Variants in RABEP1 observed in about 807,000 individuals in gnomAD.
RABEP1 encodes the protein rab GTPase-binding effector protein 1.
RABEP1 carries 51 observed loss-of-function variants against 123.4 expected under a neutral mutation model. The ratio of observed to expected loss-of-function variants is 0.41; its 90% CI spans 0.33 to 0.52. The LOEUF is 0.52. Among genes scored for constraint, RABEP1 ranks in the 20% least tolerant of loss-of-function variants. RABEP1 has a pLI of 0.16. For missense variants in RABEP1, 888 were observed against 996.3 expected, an observed-to-expected ratio of 0.89 and a Z score of 1.46; for synonymous variants, 347 against 355.2, an observed-to-expected ratio of 0.98 and a Z score of 0.26.
intron 1 of RABEP1, among the ~76,000 whole-genome samples, chr17:5,292,935 G>C (rs764441526): frequency 6.6e-6 from 1 of 152,136 alleles, no homozygotes; most frequent in Non-Finnish European, 1.5e-5. Flanking sequence ...GCCTGCCTTG[G>C]CATCTCAAAG....
At position 5,365,316 on chromosome 17, in the gene RABEP1, TGTTTTTTTTTGCCTTGAAGATTTGGCA is replaced by T. The variant is rs928680386; in HGVS notation, c.1785+84_1785+110del. On this transcript the variant is annotated intron_variant, in intron 11 of 17. Coordinates refer to ENST00000537505, the MANE Select transcript of RABEP1 (RefSeq NM_004703.6). ...ATGAAAGATTCAAAAAATATAGTCA[TGTTTTTTTTTGCCTTGAAGATTTGGCA>T]GTTTTATTTTCCCTCAGGTAAAAAG... The T allele has an allele frequency of 1.7e-5, 17 of 1,006,676 alleles. No individual in the cohort carries two copies. In the African/African-American group the frequency reaches 2.4e-4, roughly 14 times the overall value. The allele number at this position is 1,006,676 out of a possible 1,614,324, so 62.4% of individuals were successfully genotyped here. A position where few individuals can be genotyped will look rare whatever the true frequency, so the allele number is the denominator to read the frequency against.
chr17:5,319,335 A>G (rs1414160244), intron 2 of RABEP1, among the ~76,000 whole-genome samples: 3 of 119,054 alleles, frequency 2.5e-5, no homozygotes, highest in Non-Finnish European at 5.1e-5. Context: ...CTCAAAAAAA[A>G]AAAAAACAAA....
At chr17:5,318,630 A>G (rs2075321482) in intron 2 of RABEP1, among the ~76,000 whole-genome samples, 1 of 152,206 alleles carries the variant, frequency 6.6e-6, no homozygotes, top group Admixed American at 6.5e-5. Flanking sequence ...CTATACCATG[A>G]GTTATACGAA....
chr17:5,330,933 G>A (rs992781474), intron 2 of RABEP1, among the ~76,000 whole-genome samples: 9 of 151,904 alleles, frequency 5.9e-5, no homozygotes, highest in Admixed American at 3.9e-4. Context: ...CTGAGGTGGG[G>A]GGATCGCTTG....
chr17:5,313,735 G>T (rs2075267449), intron 2 of RABEP1, among the ~76,000 whole-genome samples: 2 of 152,274 alleles, frequency 1.3e-5, no homozygotes, highest in East Asian at 3.9e-4. Flanking sequence ...AGTAAACTCA[G>T]TTGGCCACAG....
In RABEP1 at chr17:5,350,556, A is replaced by T. The variant is rs775133116; in HGVS notation, c.890A>T (p.Asp297Val). The T allele has an allele frequency of 6.2e-7, 1 of 1,614,072 alleles. No individual in the cohort carries two copies. Among genetic ancestry groups the T allele is most frequent in the African/African-American group, 1.3e-5 (1 of 74,928 alleles). The change falls in exon 7 of 18, where the codon GAC becomes GTC. Residue 297 changes from aspartate (D) to valine (V), a missense_variant. By Grantham distance (152) the Asp-to-Val change is radical. Transcript: ENST00000537505. ...FLESQRLLMR[D>V]MQRMEIVLTS... ...GAATCTCAGCGTTTACTGATGAGAG[A>T]CATGCAGCGAATGGAGATTGTGCTA...
intron 10 of RABEP1, among the ~76,000 whole-genome samples, chr17:5,364,061 C>T (rs531473824): frequency 1.3e-5 from 2 of 152,308 alleles, no homozygotes; most frequent in South Asian, 4.1e-4. Context: ...TTTCAAATGT[C>T]ATTGCTATTG....
chr17:5,382,989 A>T, intron 17 of RABEP1, 133 bp from the exon 18 acceptor site: 1 of 681,246 alleles, frequency 1.5e-6, no homozygotes. Flanking sequence ...AAAATTTTTA[A>T]TTGTTCTTGC....
At chr17:5,306,215 C>A (rs76253980) in intron 1 of RABEP1, among the ~76,000 whole-genome samples, 21,241 of 144,786 alleles carry the variant, frequency 0.15, 1,544 homozygotes, top group African/African-American at 0.18. Context: ...AATCTTCTAA[C>A]AGAAAGCCTA....
At position 5,328,932 on chromosome 17, in the gene RABEP1, CA is replaced by C. The variant is rs1353065128; in HGVS notation, c.164-3004del. Among the ~76,000 whole-genome samples, 641 of 104,354 alleles carry C rather than the reference CA, an allele frequency of 6.1e-3. 3 individuals are homozygous for C. Among genetic ancestry groups the C allele is most frequent in the African/African-American group, 0.017 (475 of 28,048 alleles). The allele number at this position is 104,354 out of a possible 152,430, so 68.5% of individuals were successfully genotyped here. A position where few individuals can be genotyped will look rare whatever the true frequency, so the allele number is the denominator to read the frequency against. On this transcript the variant is annotated intron_variant, in intron 2 of 17. Coordinates refer to ENST00000537505, the MANE Select transcript of RABEP1 (RefSeq NM_004703.6). ...CCTGGGCGACAGAGTGAGACTGTCT[CA>C]AAAAAAAAAAAATAAATTATTAGTA...
chr17:5,367,834 A>C (rs1910191974), intron 11 of RABEP1, among the ~76,000 whole-genome samples: 1 of 150,342 alleles, frequency 6.7e-6, no homozygotes, highest in Non-Finnish European at 1.5e-5. Flanking sequence ...GGCTCACTGC[A>C]ACCTCTGCCT....
rs2075279959 is a variant in RABEP1 at position 5,314,744 on chromosome 17, T to A, written c.163+5922T>A. ...CGTGTTAGCCATGATGGTCTCGATC[T>A]CCTGACCTTGTGATCCGCCCACTTC... On this transcript the variant is annotated intron_variant, in intron 2 of 17. Coordinates refer to ENST00000537505, the MANE Select transcript of RABEP1 (RefSeq NM_004703.6). 3.3e-5 allele frequency among the ~76,000 whole-genome samples: 5 copies of A among 152,324 alleles called. 1 individual carries two copies. In the South Asian group the frequency reaches 1.0e-3, roughly 32 times the overall value.
chr17:5,359,818 T>C (rs1909343773), intron 8 of RABEP1, among the ~76,000 whole-genome samples: 1 of 152,236 alleles, frequency 6.6e-6, no homozygotes, highest in African/African-American at 2.4e-5. Flanking sequence ...GTCATTTAAA[T>C]GGAATAAATT....
At chr17:5,326,831 T>C (rs1195936283) in intron 2 of RABEP1, among the ~76,000 whole-genome samples, 3 of 152,216 alleles carry the variant, frequency 2.0e-5, no homozygotes, top group Non-Finnish European at 4.4e-5. Context: ...AATACAGTTA[T>C]GCATTGCTTC....
chr17:5,363,202 CTTT>C (rs560141702), intron 10 of RABEP1, among the ~76,000 whole-genome samples, 186 bp downstream of exon 10: 1 of 135,638 alleles, frequency 7.4e-6, no homozygotes, highest in Admixed American at 7.5e-5. Flanking sequence ...TAGGACTCTG[CTTT>C]TTTTTTTTTT....
chr17:5,285,393 C>T (rs2074968457), intron 1 of RABEP1, among the ~76,000 whole-genome samples: 1 of 151,322 alleles, frequency 6.6e-6, no homozygotes, highest in South Asian at 2.1e-4. Context: ...CTTGGCCTCT[C>T]AGTGTTGGGA....
intron 1 of RABEP1, among the ~76,000 whole-genome samples, chr17:5,296,156 G>A (rs575895635): frequency 2.4e-4 from 36 of 152,272 alleles, no homozygotes; most frequent in African/African-American, 8.7e-4. Flanking sequence ...TGTTATTGTA[G>A]TATGTAGCTA....
At chr17:5,338,868 A>G (rs1189631190) in intron 5 of RABEP1, among the ~76,000 whole-genome samples, 1 of 152,212 alleles carries the variant, frequency 6.6e-6, no homozygotes. Context: ...GAATTAAAGT[A>G]GGAACAGGCC....
intron 3 of RABEP1, 21 bp downstream of exon 3, chr17:5,332,173 A>C (rs1045178422): frequency 1.2e-6 from 2 of 1,601,990 alleles, no homozygotes; most frequent in Non-Finnish European, 1.7e-6. Context: ...AGAAAGATCA[A>C]TTTTGTGATT....
Sources: allele counts gnomAD v4.1 joint callset (sites outside exome capture counted in the v4.1 genomes callset), GRCh38; gene constraint gnomAD v4.1.1; transcripts MANE v1.5; gene names NCBI Gene and HGNC (gene_info 2026-07-23, HGNC 2026-07-21).